The following GPRIN3 variants were observed in gnomAD, a reference collection of about 807,000 sequenced individuals.
GPRIN3 encodes G protein-regulated inducer of neurite outgrowth 3.
GPRIN3 carries 12 observed loss-of-function variants against 13.7 expected under a neutral mutation model. That is an observed-to-expected ratio of 0.87 (90% CI 0.56 to 1.42). The LOEUF (loss-of-function observed/expected upper bound fraction) is 1.42. Ranked by LOEUF, GPRIN3 falls within the 40% of genes most tolerant of loss-of-function variation. GPRIN3 has a pLI of 0.00. For synonymous variants in GPRIN3, 377 were observed against 372.7 expected (o/e 1.01, Z -0.13); for missense variants, 1,009 against 958.7 (o/e 1.05, Z -0.69).
At position 89,243,806 on chromosome 4, in the gene GPRIN3, A is replaced by AT. The variant is rs1723013613; in HGVS notation, c.*3973_*3974insA. ...ATAAAAACACATATACATATATGCAAACCTTATCCTAATGTATTGTTTTTC... is the reference window on the plus strand; with the variant it reads ...ATAAAAACACATATACATATATGCAATACCTTATCCTAATGTATTGTTTTTC... On this transcript the variant is annotated 3_prime_UTR_variant, in exon 2 of 2. Transcript: ENST00000609438. 6.6e-6 allele frequency: 1 copy of AT among 152,206 alleles called. No individual in the cohort carries two copies. Among genetic ancestry groups the AT allele is most frequent in the Non-Finnish European group, 1.5e-5 (1 of 68,028 alleles). 9.4% of individuals were successfully genotyped at this position (152,206 alleles called of 1,614,324 possible).
chr4:89,247,774 T>C lies in GPRIN3; in HGVS notation c.*6A>G, dbSNP rs1259408355. 2 of 1,597,156 alleles carry C rather than the reference T, an allele frequency of 1.3e-6. No homozygotes were observed. The highest frequency in any genetic ancestry group is 2.7e-5 in the African/African-American group (2 of 74,378). On this transcript the variant is annotated 3_prime_UTR_variant, in exon 2 of 2. Transcript: ENST00000609438. ...TTTATACACAAACTCCCATAAATAC[T>C]CCCTTTCAATCTAACACAGAAGACG... is the stretch of plus-strand genomic sequence containing the variant.
chr4:89,269,019 G>C (rs1723855896), intron 1 of GPRIN3, among the ~76,000 whole-genome samples: 1 of 152,196 alleles, frequency 6.6e-6, no homozygotes, highest in Admixed American at 6.5e-5. Flanking sequence ...TCATGAGTTT[G>C]AGGTATGATT....
intron 1 of GPRIN3, among the ~76,000 whole-genome samples, chr4:89,294,108 G>C (rs1012214556): frequency 1.3e-5 from 2 of 152,158 alleles, no homozygotes; most frequent in Non-Finnish European, 2.9e-5. Flanking sequence ...CATAACCAGA[G>C]AATACAGAAA....
rs201902685 is a variant in GPRIN3 at position 89,248,993 on chromosome 4, G to C, written c.1118C>G (p.Ser373Cys). ...CTCCTGGGGGGCTAGCGTGCTGTCA[G>C]AGAGCTCCAGTGTGTGGCTCCCACT... ...HSSGSHTLEL[S>C]DSTLAPQESS... Residue 373 changes from serine (S) to cysteine (C), a missense_variant, in exon 2 of 2, where the codon TCT (serine) becomes TGT (cysteine). Coordinates refer to ENST00000609438, the MANE Select transcript of GPRIN3 (RefSeq NM_198281.3). 1.2e-6 allele frequency: 2 copies of C among 1,614,178 alleles called. No homozygotes were observed. The highest frequency in any genetic ancestry group is 1.7e-6 in the Non-Finnish European group (2 of 1,180,020).
chr4:89,279,759 A>G (rs949888237), intron 1 of GPRIN3, among the ~76,000 whole-genome samples: 8 of 152,188 alleles, frequency 5.3e-5, no homozygotes, highest in Non-Finnish European at 1.0e-4. Flanking sequence ...TTTTCTCTAC[A>G]GAAGTTTCCT....
At chr4:89,305,168 ACT>A (rs1725002446) in intron 1 of GPRIN3, among the ~76,000 whole-genome samples, 1 of 152,028 alleles carries the variant, frequency 6.6e-6, no homozygotes. Context: ...ATGTACTCAC[ACT>A]GTTTTTCAAC....
intron 1 of GPRIN3, among the ~76,000 whole-genome samples, chr4:89,268,783 T>G (rs1410866135): frequency 1.3e-5 from 2 of 152,160 alleles, no homozygotes; most frequent in Non-Finnish European, 2.9e-5. Context: ...AGTGACATCA[T>G]GTAGGTAGCT....
rs1391424652 is a variant in GPRIN3 at position 89,241,790 on chromosome 4, G to A, written c.*5990C>T. 2 of 152,068 alleles carry A rather than the reference G, an allele frequency of 1.3e-5. No homozygotes were observed. The highest frequency in any genetic ancestry group is 2.9e-5 in the Non-Finnish European group (2 of 67,986). 9.4% of individuals were successfully genotyped at this position (152,068 alleles called of 1,614,324 possible). A position where few individuals can be genotyped will look rare whatever the true frequency, so the allele number is the denominator to read the frequency against. Reference sequence around the variant, plus strand: ...TCATCAAGGATGCCAATTAACATGAGTAAGCCCTTTCTACTCATTTTATAT... The same window carrying A: ...TCATCAAGGATGCCAATTAACATGAATAAGCCCTTTCTACTCATTTTATAT... On this transcript the variant is annotated 3_prime_UTR_variant, in exon 2 of 2. Coordinates refer to ENST00000609438, the MANE Select transcript of GPRIN3 (RefSeq NM_198281.3).
rs151233680 is a variant in GPRIN3, at chr4:89,254,007, G to A, written c.-123-3774C>T. Among the ~76,000 whole-genome samples, 877 of 152,242 alleles carry A rather than the reference G, an allele frequency of 5.8e-3. 26 individuals are homozygous for A. Among genetic ancestry groups the A allele is most frequent in the Admixed American group, 0.035 (543 of 15,296 alleles). Reference sequence around the variant, plus strand: ...TGTTGGTTTAGAATGGGGAGTATGTGTCTTTATCATCAACCAGAGTCCATT... The same window carrying A: ...TGTTGGTTTAGAATGGGGAGTATGTATCTTTATCATCAACCAGAGTCCATT... On this transcript the variant is annotated intron_variant, in intron 1 of 1. Coordinates refer to ENST00000609438, the MANE Select transcript of GPRIN3 (RefSeq NM_198281.3).
chr4:89,285,347 T>TA (rs1218617158), intron 1 of GPRIN3, among the ~76,000 whole-genome samples: 1 of 110,732 alleles, frequency 9.0e-6, no homozygotes, highest in Non-Finnish European at 2.4e-5. Flanking sequence ...TAAAGTATAA[T>TA]AATTAAAAAA....
At chr4:89,267,887 G>T (rs1337483617) in intron 1 of GPRIN3, among the ~76,000 whole-genome samples, 1 of 152,142 alleles carries the variant, frequency 6.6e-6, no homozygotes, top group African/African-American at 2.4e-5. Flanking sequence ...GAAAGCTTCA[G>T]CATAGTATAT....
At chr4:89,301,495 A>G (rs1409087165) in intron 1 of GPRIN3, among the ~76,000 whole-genome samples, 1 of 152,244 alleles carries the variant, frequency 6.6e-6, no homozygotes, top group East Asian at 1.9e-4. Flanking sequence ...CTCAGAAAAT[A>G]TAGTTCACAC....
At chr4:89,253,639 C>A (rs967019473) in intron 1 of GPRIN3, among the ~76,000 whole-genome samples, 10 of 152,190 alleles carry the variant, frequency 6.6e-5, no homozygotes, top group African/African-American at 2.4e-4. Context: ...TGTTTACTTC[C>A]ATTTCCAACA....
rs1722863958 is a variant in GPRIN3, at chr4:89,239,347, CATCT to C, written c.*8429_*8432del. 1 of 152,060 alleles carries C rather than the reference CATCT, an allele frequency of 6.6e-6. No homozygotes were observed. The highest frequency in any genetic ancestry group is 1.5e-5 in the Non-Finnish European group (1 of 67,994). The allele number at this position is 152,060 out of a possible 1,614,324, so 9.4% of individuals were successfully genotyped here. Reference sequence around the variant, plus strand: ...TCTGGGTATTATTCAAATTAATACACATCTTTCAAAAATAATCACATAAATTTAT... The same window carrying C: ...TCTGGGTATTATTCAAATTAATACACTTCAAAAATAATCACATAAATTTAT... On this transcript the variant is annotated 3_prime_UTR_variant, in exon 2 of 2. Coordinates refer to ENST00000609438, the MANE Select transcript of GPRIN3 (RefSeq NM_198281.3).
At chr4:89,261,955 TAC>T (rs544004575) in intron 1 of GPRIN3, among the ~76,000 whole-genome samples, 1 of 150,712 alleles carries the variant, frequency 6.6e-6, no homozygotes, top group Non-Finnish European at 1.5e-5. Context: ...CTACTAAAAA[TAC>T]ACACACACAC....
chr4:89,247,548 A>G lies in GPRIN3; in HGVS notation c.*232T>C. On this transcript the variant is annotated 3_prime_UTR_variant, in exon 2 of 2. Coordinates refer to ENST00000609438, the MANE Select transcript of GPRIN3 (RefSeq NM_198281.3). ...TTATTTTCAATTTGTTAAGGTTGCA[A>G]ACCTTCAGTGAAGCTTGTTTCTCTT... 2.1e-6 allele frequency: 1 copy of G among 466,644 alleles called. No individual in the cohort carries two copies. Among genetic ancestry groups the G allele is most frequent in the Non-Finnish European group, 3.8e-6 (1 of 265,106 alleles). 28.9% of individuals were successfully genotyped at this position (466,644 alleles called of 1,614,324 possible).
Position 89,248,306 on chromosome 4 carries a change from G to A in GPRIN3, c.1805C>T (p.Ala602Val), listed in dbSNP as rs1723175316. 1 of 1,614,030 alleles carries A rather than the reference G, an allele frequency of 6.2e-7. No individual in the cohort carries two copies. The highest frequency in any genetic ancestry group is 8.5e-7 in the Non-Finnish European group (1 of 1,180,026). Residue 602 changes from alanine (A) to valine (V), a missense_variant, in exon 2 of 2, where the codon GCC (alanine) becomes GTC (valine). By Grantham distance (64) the Ala-to-Val change is moderately conservative. Coordinates refer to ENST00000609438, the MANE Select transcript of GPRIN3 (RefSeq NM_198281.3). ...ATCAGATGGCAGGCTCAGGCTGGTG[G>A]CTGTCTTGGTCTGTCTGTTTTCTTC... ...TLEENRQTKT[A>V]TSLSLPSDPM...
intron 1 of GPRIN3, among the ~76,000 whole-genome samples, chr4:89,302,056 A>G (rs2174325): frequency 1.3e-5 from 2 of 152,120 alleles, no homozygotes; most frequent in Non-Finnish European, 2.9e-5. Flanking sequence ...AGGCCAAGAA[A>G]TTGTCTTGTC....
At chr4:89,261,239 A>C (rs1055813013) in intron 1 of GPRIN3, among the ~76,000 whole-genome samples, 2 of 152,194 alleles carry the variant, frequency 1.3e-5, no homozygotes, top group Non-Finnish European at 2.9e-5. Context: ...TCCTATGCAC[A>C]GTAGGATGTT....
Sources: allele counts gnomAD v4.1 joint callset (sites outside exome capture counted in the v4.1 genomes callset), GRCh38; gene constraint gnomAD v4.1.1; transcripts MANE v1.5; gene names NCBI Gene and HGNC (gene_info 2026-07-23, HGNC 2026-07-21).